Variants in KCNK3 observed in about 807,000 individuals in gnomAD.
The protein encoded by KCNK3 is potassium two pore domain channel subfamily K member 3.
KCNK3 carries 9 observed loss-of-function variants against 27.3 expected under a neutral mutation model. The ratio of observed to expected loss-of-function variants is 0.33; its 90% CI spans 0.20 to 0.57. The LOEUF is 0.57. KCNK3 is among the 20% of genes least tolerant of loss of function. The pLI is 0.87. For synonymous variants in KCNK3, 278 were observed against 273.8 expected, an observed-to-expected ratio of 1.02 and a Z score of -0.15; for missense variants, 391 against 577.7, an observed-to-expected ratio of 0.68 and a Z score of 3.31.
At position 26,693,378 on chromosome 2, in the gene KCNK3, G is replaced by C. The variant is rs1399274397; in HGVS notation, c.283+220G>C. 6.6e-6 allele frequency among the ~76,000 whole-genome samples: 1 copy of C among 152,228 alleles called. No individual in the cohort carries two copies. The highest frequency in any genetic ancestry group is 2.4e-5 in the African/African-American group (1 of 41,470). On this transcript the variant is annotated intron_variant, in intron 1 of 1. Transcript: ENST00000302909. This position sits in a 1 kb window ranked among gnomAD's most constrained non-coding sequence, Gnocchi z 5.5. ...TGGCTCCGGACCTGACTCTCCGGCC[G>C]GGCCAGCCCTAACTTGGCCCTGCCA...
chr2:26,709,397 G>A (rs184303833), intron 1 of KCNK3, among the ~76,000 whole-genome samples: 233 of 152,276 alleles, frequency 1.5e-3, no homozygotes, highest in Non-Finnish European at 2.8e-3. Context: ...GCAAGGAAGG[G>A]AGCCTGCCAG....
chr2:26,703,823 C>A (rs6731071), intron 1 of KCNK3, among the ~76,000 whole-genome samples: 16,417 of 152,144 alleles, frequency 0.11, 3,010 homozygotes, highest in African/African-American at 0.37. Context: ...TTGAACAATG[C>A]GTGAGGACTT....
At chr2:26,710,328 C>T (rs1050629652) in intron 1 of KCNK3, among the ~76,000 whole-genome samples, 3 of 152,170 alleles carry the variant, frequency 2.0e-5, no homozygotes, top group Non-Finnish European at 2.9e-5. Flanking sequence ...CAGCCAGGAG[C>T]GAGCTGGCAG....
chr2:26,721,143 GTT>G lies in KCNK3; in HGVS notation c.284-6523_284-6522del, dbSNP rs1663321256. On this transcript the variant is annotated intron_variant, in intron 1 of 1. Coordinates refer to ENST00000302909, the MANE Select transcript of KCNK3 (RefSeq NM_002246.3). This position sits in a 1 kb window ranked among gnomAD's most constrained non-coding sequence, Gnocchi z 4.3. ...AGTCCTTCAGAACTGGAGCCTCTGG[GTT>G]CTGCAGCCCTCCCACCCCAGGCCTG... 6.6e-6 allele frequency among the ~76,000 whole-genome samples: 1 copy of G among 152,120 alleles called. No homozygotes were observed.
At position 26,692,756 on chromosome 2, in the gene KCNK3, G is replaced by C. The variant is rs12476527; in HGVS notation, c.-120G>C. ...GGCCCCGGGCGCTGAGCGGGTGCCC[G>C]GCGCGGAGAGCGGCGAGCGCAGCCA... On this transcript the variant is annotated 5_prime_UTR_variant, in exon 1 of 2. Transcript: ENST00000302909. This position sits in a 1 kb window ranked among gnomAD's most constrained non-coding sequence, Gnocchi z 5.6. 1.5e-5 allele frequency: 7 copies of C among 466,116 alleles called. No homozygotes were observed. Among genetic ancestry groups the C allele is most frequent in the Non-Finnish European group, 2.0e-5 (7 of 357,452 alleles). 28.9% of individuals were successfully genotyped at this position (466,116 alleles called of 1,614,324 possible). A position where few individuals can be genotyped will look rare whatever the true frequency, so the allele number is the denominator to read the frequency against.
At chr2:26,726,800 C>T (rs1029782578) in intron 1 of KCNK3, among the ~76,000 whole-genome samples, 1 of 152,042 alleles carries the variant, frequency 6.6e-6, no homozygotes, top group Non-Finnish European at 1.5e-5. Flanking sequence ...GGGCGGGGTA[C>T]AGAGAGATTA....
intron 1 of KCNK3, among the ~76,000 whole-genome samples, chr2:26,723,070 A>T (rs1489291423): frequency 6.6e-6 from 1 of 152,064 alleles, no homozygotes; most frequent in African/African-American, 2.4e-5. Flanking sequence ...CCTTGTGGCC[A>T]GCTAGGCCAA....
chr2:26,700,724 T>TCATCGC (rs1670296498), intron 1 of KCNK3, among the ~76,000 whole-genome samples: 2 of 80,814 alleles, frequency 2.5e-5, no homozygotes, highest in Non-Finnish European at 5.4e-5. Flanking sequence ...TTCATCATCA[T>TCATCGC]CATCACCATC....
chr2:26,728,379 C>A lies in KCNK3; in HGVS notation c.996C>A (p.Asp332Glu). 6.2e-7 allele frequency: 1 copy of A among 1,608,044 alleles called. No individual in the cohort carries two copies. The highest frequency in any genetic ancestry group is 2.2e-5 in the East Asian group (1 of 44,600). Residue 332 changes from aspartate to glutamate, a missense_variant, in exon 2 of 2, where the codon GAC becomes GAA. Physicochemically the swap from Asp to Glu is conservative, Grantham distance 45 (BLOSUM62 2). Transcript: ENST00000302909. ...QYSIPMIIPRDLSTSDTCVEQ... is the reference protein window; with the variant it reads ...QYSIPMIIPRELSTSDTCVEQ... The stretch of plus-strand genomic sequence containing the variant: ...CCATCCCCATGATCATCCCGCGGGA[C>A]CTCTCCACGTCCGACACGTGCGTGG...
intron 1 of KCNK3, among the ~76,000 whole-genome samples, chr2:26,703,819 A>C (rs571660274): frequency 6.6e-6 from 1 of 152,286 alleles, no homozygotes; most frequent in East Asian, 1.9e-4. Context: ...AGGTTTGAAC[A>C]ATGCGTGAGG....
Position 26,728,220 on chromosome 2 carries a change from G to T in KCNK3, c.837G>T (p.Ala279=), listed in dbSNP as rs1303676904. Reference sequence around the variant, plus strand: ...GCGGCGGCGGAGGGGGTGGCAGCGCGCACACTACGGACACCGCCTCATCCA... The same window carrying T: ...GCGGCGGCGGAGGGGGTGGCAGCGCTCACACTACGGACACCGCCTCATCCA... ...QAGGGGGGGS[A]HTTDTASSTA... The change falls in exon 2 of 2, where the codon GCG becomes GCT. Residue 279 remains alanine (A), a synonymous_variant. Coordinates refer to ENST00000302909, the MANE Select transcript of KCNK3 (RefSeq NM_002246.3). 2 of 1,563,886 alleles carry T rather than the reference G, an allele frequency of 1.3e-6. No homozygotes were observed. The highest frequency in any genetic ancestry group is 8.7e-7 in the Non-Finnish European group (1 of 1,154,446).
intron 1 of KCNK3, among the ~76,000 whole-genome samples, chr2:26,701,921 C>A (rs150075236): frequency 1.3e-3 from 198 of 152,312 alleles, no homozygotes; most frequent in African/African-American, 4.3e-3. Context: ...GCCTGGGCAA[C>A]AGAGACAGAC....
chr2:26,711,865 G>T (rs1663113878), intron 1 of KCNK3, among the ~76,000 whole-genome samples: 1 of 152,186 alleles, frequency 6.6e-6, no homozygotes, highest in Non-Finnish European at 1.5e-5. Flanking sequence ...CCATATCGGG[G>T]CTGGGGGGAG....
intron 1 of KCNK3, among the ~76,000 whole-genome samples, chr2:26,702,247 A>T (rs905743744): frequency 6.6e-6 from 1 of 152,160 alleles, no homozygotes; most frequent in African/African-American, 2.4e-5. Context: ...AATGAGAGAG[A>T]GTGCTACCAG....
chr2:26,706,787 G>A (rs930393138), intron 1 of KCNK3, among the ~76,000 whole-genome samples: 18 of 152,100 alleles, frequency 1.2e-4, no homozygotes, highest in African/African-American at 1.7e-4. Context: ...CAGGCATCTC[G>A]TCCTTTCTTG....
In KCNK3 at chr2:26,693,191, A is replaced by C; in HGVS notation, c.283+33A>C. On this transcript the variant is annotated intron_variant, in intron 1 of 1. Coordinates refer to ENST00000302909, the MANE Select transcript of KCNK3 (RefSeq NM_002246.3). The surrounding 1 kb of genome is among the most constrained non-coding windows in gnomAD (Gnocchi z 5.5). Reference sequence around the variant, plus strand: ...CTCGCCGGGCGGGGGGCGGGAACCCAGGGCTGGGCGCGGGGCTCCGGGAGT... The same window carrying C: ...CTCGCCGGGCGGGGGGCGGGAACCCCGGGCTGGGCGCGGGGCTCCGGGAGT... 3 of 1,022,962 alleles carry C rather than the reference A, an allele frequency of 2.9e-6. No homozygotes were observed. The highest frequency in any genetic ancestry group is 3.6e-6 in the Non-Finnish European group (3 of 822,390). The allele number at this position is 1,022,962 out of a possible 1,614,324, so 63.4% of individuals were successfully genotyped here.
At chr2:26,723,732 G>A (rs1425200198) in intron 1 of KCNK3, among the ~76,000 whole-genome samples, 6 of 152,150 alleles carry the variant, frequency 3.9e-5, no homozygotes, top group Admixed American at 3.9e-4. Flanking sequence ...GATGGCTAAG[G>A]GTATTTCTGG....
intron 1 of KCNK3, among the ~76,000 whole-genome samples, chr2:26,711,677 G>T (rs1460802052): frequency 6.6e-6 from 1 of 152,236 alleles, no homozygotes; most frequent in East Asian, 1.9e-4. Flanking sequence ...TACCAATAGG[G>T]TCGTTTGAAG....
rs1017812633 is a variant in KCNK3, at chr2:26,731,134, T to A, written c.*2566T>A. On this transcript the variant is annotated 3_prime_UTR_variant, in exon 2 of 2. Transcript: ENST00000302909. Reference sequence around the variant, plus strand: ...CGTGGCTGCCACAGCCTCCCTCAGCTCTTCCTGCCTATCTGTCTTCACACT... The same window carrying A: ...CGTGGCTGCCACAGCCTCCCTCAGCACTTCCTGCCTATCTGTCTTCACACT... 3 of 152,250 alleles carry A rather than the reference T, an allele frequency of 2.0e-5. No individual in the cohort carries two copies. The highest frequency in any genetic ancestry group is 2.4e-5 in the African/African-American group (1 of 41,520). The allele number at this position is 152,250 out of a possible 1,614,324, so 9.4% of individuals were successfully genotyped here. A position where few individuals can be genotyped will look rare whatever the true frequency, so the allele number is the denominator to read the frequency against.
Sources: allele counts gnomAD v4.1 joint callset (sites outside exome capture counted in the v4.1 genomes callset), GRCh38; gene constraint gnomAD v4.1.1; non-coding constraint Gnocchi (gnomAD v3.1); transcripts MANE v1.5; gene names NCBI Gene and HGNC (gene_info 2026-07-23, HGNC 2026-07-21).